The following MIR2052HG variants were observed in gnomAD, a reference collection of about 807,000 sequenced individuals.
MIR2052HG encodes MIR2052 host gene.
chr8:74,611,985 G>T (rs1808202545), intron 1 of MIR2052HG, among the ~76,000 whole-genome samples: 1 of 152,146 alleles, frequency 6.6e-6, no homozygotes, highest in African/African-American at 2.4e-5. Context: ...TGGGATTCAG[G>T]GCAAGCTCAT....
intron 2 of MIR2052HG, among the ~76,000 whole-genome samples, chr8:74,655,658 C>T (rs1376325202): frequency 2.6e-5 from 4 of 152,168 alleles, no homozygotes; most frequent in African/African-American, 2.4e-5. Flanking sequence ...AAGTTTGCTG[C>T]AGGGGTGGGG....
intron 2 of MIR2052HG, among the ~76,000 whole-genome samples, chr8:74,647,571 A>G (rs2128735846): frequency 6.6e-6 from 1 of 152,350 alleles, no homozygotes; most frequent in Non-Finnish European, 1.5e-5. Context: ...TTTAGTCCTA[A>G]GAACACATTG....
chr8:74,702,537 GTAAGCCAGATTCAAAGCTT>G (rs1216578792), intron 3 of MIR2052HG: 1 of 270,572 alleles, frequency 3.7e-6, no homozygotes, highest in Non-Finnish European at 8.1e-6. Context: ...GAATATACAT[GTAAGCCAGATTCAAAGCTT>G]TAAGCCTAAG....
intron 2 of MIR2052HG, among the ~76,000 whole-genome samples, chr8:74,631,619 G>A (rs1808512668): frequency 6.6e-6 from 1 of 152,124 alleles, no homozygotes; most frequent in South Asian, 2.1e-4. Context: ...GAAAGATTTT[G>A]GACCAGTAGT....
rs184483023 is a variant in MIR2052HG at position 74,686,304 on chromosome 8, T to C, written n.217-16075T>C. Reference sequence around the variant, plus strand: ...CCTTATTCTTGACATCGACTCTTTCTCTGCCTAGGGAAACAGGACCTGCCT... The same window carrying C: ...CCTTATTCTTGACATCGACTCTTTCCCTGCCTAGGGAAACAGGACCTGCCT... On this transcript the variant is annotated intron_variant and non_coding_transcript_variant, in intron 2 of 6. Transcript: ENST00000523442. 1.4e-4 allele frequency among the ~76,000 whole-genome samples: 21 copies of C among 152,132 alleles called. 1 individual carries two copies. In the East Asian group the frequency reaches 3.3e-3, roughly 24 times the overall value.
chr8:74,756,683 A>G (rs889487220), intron 5 of MIR2052HG: 1 of 152,208 alleles, frequency 6.6e-6, no homozygotes, highest in African/African-American at 2.4e-5. Context: ...TTTTCCAGAT[A>G]CCTTAAAGAA....
intron 2 of MIR2052HG, among the ~76,000 whole-genome samples, chr8:74,647,708 G>A (rs1230787805): frequency 6.6e-6 from 1 of 152,156 alleles, no homozygotes; most frequent in Non-Finnish European, 1.5e-5. Flanking sequence ...AGAATGGAGG[G>A]ACCGGCTGAA....
chr8:74,736,923 G>A (rs1165685559), intron 4 of MIR2052HG, among the ~76,000 whole-genome samples: 1 of 152,088 alleles, frequency 6.6e-6, no homozygotes, highest in Non-Finnish European at 1.5e-5. Context: ...AGGAGAATAG[G>A]GTCTGCAGAG....
At chr8:74,723,212 A>T (rs952692454) in intron 4 of MIR2052HG, among the ~76,000 whole-genome samples, 1 of 152,208 alleles carries the variant, frequency 6.6e-6, no homozygotes, top group Non-Finnish European at 1.5e-5. Flanking sequence ...CACTCAAGTC[A>T]TCTCCTCTCT....
At chr8:74,680,260 T>G (rs1563530380) in intron 2 of MIR2052HG, among the ~76,000 whole-genome samples, 1 of 152,130 alleles carries the variant, frequency 6.6e-6, no homozygotes, top group Non-Finnish European at 1.5e-5. Flanking sequence ...GAGACAGTTA[T>G]AAACTTTTAA....
At chr8:74,714,704 T>C (rs1412636940) in intron 4 of MIR2052HG, among the ~76,000 whole-genome samples, 1 of 150,052 alleles carries the variant, frequency 6.7e-6, no homozygotes, top group Non-Finnish European at 1.5e-5. Context: ...CCTTCTTTTT[T>C]TTTTTTTTTT....
chr8:74,642,150 C>T (rs1007290232), intron 2 of MIR2052HG, among the ~76,000 whole-genome samples: 2 of 152,054 alleles, frequency 1.3e-5, no homozygotes, highest in African/African-American at 4.8e-5. Context: ...TAAACTTGCT[C>T]AGGATTGCAA....
intron 1 of MIR2052HG, among the ~76,000 whole-genome samples, chr8:74,600,230 A>G (rs1215500303): frequency 2.7e-5 from 4 of 150,900 alleles, no homozygotes; most frequent in East Asian, 3.9e-4. Flanking sequence ...AGCTGTTCCT[A>G]TTCGGCCATC....
At chr8:74,702,356 C>T in intron 2 of MIR2052HG, 1 of 449,810 alleles carries the variant, frequency 2.2e-6, no homozygotes, top group Non-Finnish European at 4.5e-6. Flanking sequence ...TGTACCCTAA[C>T]TCTCACTAGC....
intron 2 of MIR2052HG, among the ~76,000 whole-genome samples, chr8:74,622,827 G>A (rs1308920607): frequency 1.3e-5 from 2 of 152,064 alleles, no homozygotes; most frequent in Non-Finnish European, 2.9e-5. Context: ...AAACCACCGA[G>A]AGGTTCCTCA....
At chr8:74,738,213 AT>A (rs1411719004) in intron 4 of MIR2052HG, among the ~76,000 whole-genome samples, 3 of 151,956 alleles carry the variant, frequency 2.0e-5, no homozygotes, top group Non-Finnish European at 4.4e-5. Flanking sequence ...AAGGCCCTCA[AT>A]CAACCTTCTT....
Position 74,725,235 on chromosome 8 carries a change from A to G in MIR2052HG, n.371+21553A>G, listed in dbSNP as rs368907489. Among the ~76,000 whole-genome samples the G allele has an allele frequency of 1.2e-4, 19 of 152,326 alleles. No individual in the cohort carries two copies. In the East Asian group the frequency reaches 3.1e-3, roughly 25 times the overall value. ...AGAGCTGCACTGTCCTATCACATTC[A>G]TTACATGCCCATGGGACTTTTGTCC... On this transcript the variant is annotated intron_variant and non_coding_transcript_variant, in intron 4 of 6. Coordinates refer to ENST00000523442, the Ensembl canonical transcript of MIR2052HG.
chr8:74,653,144 GAC>G lies in MIR2052HG; in HGVS notation n.216+40206_216+40207del, dbSNP rs2128736293. On this transcript the variant is annotated intron_variant and non_coding_transcript_variant, in intron 2 of 6. Transcript: ENST00000523442. ...AGAATTAGCAAGACATTTGTCCAAAGACAGAAAGTTTCACCAATATTTTATAA... is the reference window on the plus strand; with the variant it reads ...AGAATTAGCAAGACATTTGTCCAAAGAGAAAGTTTCACCAATATTTTATAA... 3.9e-5 allele frequency among the ~76,000 whole-genome samples: 6 copies of G among 152,172 alleles called. 1 individual carries two copies. Among genetic ancestry groups the G allele is most frequent in the African/African-American group, 1.4e-4 (6 of 41,518 alleles).
chr8:74,605,273 G>A (rs993062189), intron 1 of MIR2052HG, among the ~76,000 whole-genome samples: 4 of 152,170 alleles, frequency 2.6e-5, no homozygotes, highest in Non-Finnish European at 4.4e-5. Flanking sequence ...ATATAATACA[G>A]ACACAGCAAA....
Sources: allele counts gnomAD v4.1 joint callset (sites outside exome capture counted in the v4.1 genomes callset), GRCh38; gene constraint gnomAD v4.1.1; transcripts MANE v1.5; gene names NCBI Gene and HGNC (gene_info 2026-07-23, HGNC 2026-07-21).